PRDM7: variants seen among roughly 807,000 people sequenced by gnomAD.
PRDM7 encodes the protein histone-lysine N-methyltransferase PRDM7.
Under a neutral mutation model 64.3 loss-of-function variants are expected in PRDM7, and 52 were observed. That is an observed-to-expected ratio of 0.81 (90% CI 0.65 to 1.02). PRDM7 has a LOEUF of 1.02. PRDM7 is among the 50% of genes least tolerant of loss of function. The pLI is 0.00. For missense variants in PRDM7, 574 were observed against 597.1 expected (o/e 0.96, Z 0.40); for synonymous variants, 192 against 210.1 (o/e 0.91, Z 0.74).
chr16:90,071,611 C>CA (rs35121058), intron 4 of PRDM7, among the ~76,000 whole-genome samples: 125,269 of 152,048 alleles, frequency 0.82, 52,912 homozygotes, highest in East Asian at 1. Context: ...TCCTTTTCAT[C>CA]GGAACCCACT....
chr16:90,076,005 G>T lies in PRDM7; in HGVS notation c.-85-10C>A. The T allele has an allele frequency of 7.0e-7, 1 of 1,419,742 alleles. No homozygotes were observed. Among genetic ancestry groups the T allele is most frequent in the Non-Finnish European group, 9.7e-7 (1 of 1,026,136 alleles). The allele number at this position is 1,419,742 out of a possible 1,614,324, so 87.9% of individuals were successfully genotyped here. Reference sequence around the variant, plus strand: ...CCTAGGCCAAAGGCTCCTGTGGAAGGAGAAGGTGCTGAGATGGGGCAACAG... The same window carrying T: ...CCTAGGCCAAAGGCTCCTGTGGAAGTAGAAGGTGCTGAGATGGGGCAACAG... On this transcript the variant is annotated splice_polypyrimidine_tract_variant and intron_variant, in intron 1 of 10. Transcript: ENST00000449207.
chr16:90,074,409 T>A (rs543012614), intron 4 of PRDM7, among the ~76,000 whole-genome samples: 9 of 151,506 alleles, frequency 5.9e-5, no homozygotes, highest in African/African-American at 1.9e-4. Context: ...AAACCCCATC[T>A]CTACAAAAAA....
chr16:90,064,010 G>A lies in PRDM7; in HGVS notation c.352-242C>T, dbSNP rs2037829514. Among the ~76,000 whole-genome samples, 13 of 152,344 alleles carry A rather than the reference G, an allele frequency of 8.5e-5. No homozygotes were observed. In the South Asian group the frequency reaches 2.7e-3, roughly 32 times the overall value. ...TTCTGTGTAAGTTAAAGGGAAGGAG[G>A]AAGAATACTTGGGAAGACTAGCTGG... On this transcript the variant is annotated intron_variant, in intron 5 of 10. Transcript: ENST00000449207.
Position 90,075,937 on chromosome 16 carries a change from G to C in PRDM7, c.-27C>G, listed in dbSNP as rs371387465. 2 of 1,609,336 alleles carry C rather than the reference G, an allele frequency of 1.2e-6. No homozygotes were observed. The highest frequency in any genetic ancestry group is 2.2e-5 in the South Asian group (2 of 90,330). On this transcript the variant is annotated 5_prime_UTR_variant, in exon 2 of 11. Coordinates refer to ENST00000449207, the MANE Select transcript of PRDM7 (RefSeq NM_001098173.2). The surrounding 1 kb of genome is among the most constrained non-coding windows in gnomAD (Gnocchi z 4.3). ...GTGCTGGGACTGTCTAGAAGGCCCT[G>C]CTCCAATTCTGAGTGTGGGAAGGGC...
At chr16:90,058,616 C>T in intron 10 of PRDM7, 82 bp from the exon 11 acceptor site, 1 of 1,479,688 alleles carries the variant, frequency 6.8e-7, no homozygotes, top group South Asian at 1.1e-5. Context: ...AAATGAAGAA[C>T]CAGTCATTCT....
chr16:90,073,650 C>T (rs1478154128), intron 4 of PRDM7, among the ~76,000 whole-genome samples: 3 of 152,078 alleles, frequency 2.0e-5, no homozygotes, highest in Admixed American at 6.5e-5. Flanking sequence ...TCGCCTGCCT[C>T]GGCCTCCCAA....
chr16:90,068,228 G>A (rs866514589), intron 4 of PRDM7, among the ~76,000 whole-genome samples: 1 of 150,704 alleles, frequency 6.6e-6, no homozygotes, highest in Admixed American at 6.6e-5. Flanking sequence ...GCAGTGAACC[G>A]AGATCATGCT....
intron 6 of PRDM7, among the ~76,000 whole-genome samples, 181 bp from the exon 7 acceptor site, chr16:90,062,683 T>C (rs1038791400): frequency 1.1e-4 from 16 of 152,240 alleles, no homozygotes; most frequent in Non-Finnish European, 2.2e-4. Flanking sequence ...TGTAGATGCC[T>C]ATTCAATTTT....
Position 90,060,462 on chromosome 16 carries a change from A to G in PRDM7, c.1112T>C (p.Ile371Thr), listed in dbSNP as rs765704768. Residue 371 changes from isoleucine (I) to threonine (T), a missense_variant, in exon 10 of 11, where the codon ATA becomes ACA. Coordinates refer to ENST00000449207, the MANE Select transcript of PRDM7 (RefSeq NM_001098173.2). ...YGQELGIRSSIEPAESLGQAV... is the reference protein window; with the variant it reads ...YGQELGIRSSTEPAESLGQAV... ...CTGGCCTAATGACTCGGCAGGTTCT[A>G]TAGAAGATCTGATGCCCAGTTCCTG... 5.6e-6 allele frequency: 9 copies of G among 1,613,138 alleles called. No homozygotes were observed. In the African/African-American group the frequency reaches 9.4e-5, roughly 17 times the overall value.
chr16:90,062,324 A>C (rs2037794670), intron 7 of PRDM7, 77 bp downstream of exon 7: 1 of 1,613,518 alleles, frequency 6.2e-7, no homozygotes, highest in African/African-American at 1.3e-5. Context: ...TAAGGGAATG[A>C]TTTGTGGGCC....
chr16:90,075,823 C>T lies in PRDM7; in HGVS notation c.69+19G>A, dbSNP rs372300439. 1.9e-5 allele frequency: 30 copies of T among 1,612,050 alleles called. No individual in the cohort carries two copies. The highest frequency in any genetic ancestry group is 1.7e-4 in the African/African-American group (13 of 75,010). ...TCAGCTCCTGCTGGGAGTCTGGCTT[C>T]GCCTCCCCGACTTCTCACCATGGGC... is the stretch of plus-strand genomic sequence containing the variant. On this transcript the variant is annotated intron_variant, in intron 2 of 10. Coordinates refer to ENST00000449207, the MANE Select transcript of PRDM7 (RefSeq NM_001098173.2). The surrounding 1 kb of genome is among the most constrained non-coding windows in gnomAD (Gnocchi z 4.3).
At chr16:90,073,402 A>G (rs77772361) in intron 4 of PRDM7, among the ~76,000 whole-genome samples, 4,540 of 141,710 alleles carry the variant, frequency 0.032, 234 homozygotes, top group African/African-American at 0.11. Context: ...AAGAATGACA[A>G]TTTTTTTTTT....
rs950093416 is a variant in PRDM7, at chr16:90,069,125, G to A, written c.302-2215C>T. 5.9e-5 allele frequency among the ~76,000 whole-genome samples: 9 copies of A among 151,272 alleles called. 1 individual carries two copies. Among genetic ancestry groups the A allele is most frequent in the African/African-American group, 2.2e-4 (9 of 40,646 alleles). On this transcript the variant is annotated intron_variant, in intron 4 of 10. Coordinates refer to ENST00000449207, the MANE Select transcript of PRDM7 (RefSeq NM_001098173.2). The stretch of plus-strand genomic sequence containing the variant: ...TTTCAAAGCATATTACAAAGCTACA[G>A]TAATCAGAAAAGTATGGTACTGGTA...
Position 90,062,017 on chromosome 16 carries a change from G to A in PRDM7, c.786C>T (p.Asn262=), listed in dbSNP as rs761116667. The change falls in exon 8 of 11, where the codon AAC becomes AAT. Residue 262 remains asparagine (N), a synonymous_variant. Transcript: ENST00000449207. ...GIPQAGLGVW[N]EASDLPLGLH... is the part of the protein sequence containing the mutation. The stretch of plus-strand genomic sequence containing the variant: ...GACCCAGTGGCAGATCAGATGCCTC[G>A]TTCCATACTCCAAGCCCAGCCTGAG... 1.1e-5 allele frequency: 18 copies of A among 1,614,242 alleles called. No homozygotes were observed. The highest frequency in any genetic ancestry group is 3.3e-5 in the Admixed American group (2 of 60,026).
chr16:90,056,697 C>T lies in PRDM7; in HGVS notation c.*1592G>A, dbSNP rs1236697768. 4 of 152,294 alleles carry T rather than the reference C, an allele frequency of 2.6e-5. No individual in the cohort carries two copies. The highest frequency in any genetic ancestry group is 2.1e-4 in the South Asian group (1 of 4,824). The allele number at this position is 152,294 out of a possible 1,614,324, so 9.4% of individuals were successfully genotyped here. A position where few individuals can be genotyped will look rare whatever the true frequency, so the allele number is the denominator to read the frequency against. On this transcript the variant is annotated 3_prime_UTR_variant, in exon 11 of 11. Transcript: ENST00000449207. ...TCTAAGGGGGTCCACGTGAGAGGGTCGTGATCGATTGAGCAAGCAGGGGGT... is the reference window on the plus strand; with the variant it reads ...TCTAAGGGGGTCCACGTGAGAGGGTTGTGATCGATTGAGCAAGCAGGGGGT...
At chr16:90,072,031 C>A (rs1396038281) in intron 4 of PRDM7, among the ~76,000 whole-genome samples, 1 of 152,058 alleles carries the variant, frequency 6.6e-6, no homozygotes, top group Non-Finnish European at 1.5e-5. Context: ...GAGATCGAGA[C>A]CATCCTGGCT....
At chr16:90,076,222 C>A (rs1214869092) in intron 1 of PRDM7, among the ~76,000 whole-genome samples, 2 of 152,132 alleles carry the variant, frequency 1.3e-5, no homozygotes, top group African/African-American at 4.8e-5. Flanking sequence ...AGTTCCCCTG[C>A]AGCTTGGCTC....
rs2038020905 is a variant in PRDM7, at chr16:90,075,368, T to C, written c.176A>G (p.Asn59Ser). Residue 59 changes from asparagine to serine, a missense_variant, in exon 3 of 11, where the codon AAT becomes AGT. Asn to Ser is a conservative substitution (Grantham distance 46). Coordinates refer to ENST00000449207, the MANE Select transcript of PRDM7 (RefSeq NM_001098173.2). This position sits in a 1 kb window ranked among gnomAD's most constrained non-coding sequence, Gnocchi z 4.3. ...TRYRNVKMNY[N>S]ALITVGLRAT... ...CCTGTTACCTACAGTAATCAGTGCA[T>C]TATAGTTCATTTTCACATTCCTATA... 1 of 1,614,266 alleles carries C rather than the reference T, an allele frequency of 6.2e-7. No homozygotes were observed. Among genetic ancestry groups the C allele is most frequent in the Non-Finnish European group, 8.5e-7 (1 of 1,180,040 alleles).
chr16:90,066,266 G>A (rs2037870673), intron 5 of PRDM7, among the ~76,000 whole-genome samples: 2 of 151,104 alleles, frequency 1.3e-5, no homozygotes, highest in African/African-American at 4.9e-5. Flanking sequence ...TCTTCTTCTG[G>A]TACCATCCAC....
Sources: gnomAD v4.1 joint callset for allele counts (sites outside exome capture counted in the v4.1 genomes callset) on GRCh38, gnomAD v4.1.1 for gene constraint, Gnocchi (gnomAD v3.1) non-coding constraint, MANE v1.5 for transcripts, NCBI Gene and HGNC (gene_info 2026-07-23, HGNC 2026-07-21) for gene names.